C17orf50: variants seen among roughly 807,000 people sequenced by gnomAD.
C17orf50 encodes plakoglobin binding and degradation factor, also known as uncharacterized protein C17orf50.
C17orf50 carries 16 observed loss-of-function variants against 17.7 expected under a neutral mutation model. The ratio of observed to expected loss-of-function variants is 0.90; its 90% CI spans 0.61 to 1.37. The LOEUF is 1.37. C17orf50 is among the 40% of genes most tolerant of loss of function. The pLI is 0.00. For synonymous variants in C17orf50, 125 were observed against 111.0 expected (o/e 1.13, Z -0.80); for missense variants, 271 against 240.7 (o/e 1.13, Z -0.83).
rs1568124499 is a variant in C17orf50 at position 35,764,844 on chromosome 17, C to G, written c.*226C>G. On this transcript the variant is annotated 3_prime_UTR_variant, in exon 3 of 3. Transcript: ENST00000605587. ...GCAGAGCCCAGCATAACCTAGAGCCCGCTGTCAACAGCGCCCACCGAGGGC... is the reference window on the plus strand; with the variant it reads ...GCAGAGCCCAGCATAACCTAGAGCCGGCTGTCAACAGCGCCCACCGAGGGC... 6 of 427,672 alleles carry G rather than the reference C, an allele frequency of 1.4e-5. No homozygotes were observed. In the East Asian group the frequency reaches 2.5e-4, roughly 18 times the overall value. The allele number at this position is 427,672 out of a possible 1,614,324, so 26.5% of individuals were successfully genotyped here.
chr17:35,761,042 A>G, intron 1 of C17orf50, 88 bp downstream of exon 1: 1 of 1,416,740 alleles, frequency 7.1e-7, no homozygotes, highest in South Asian at 1.4e-5. Flanking sequence ...ATGAAGTCCA[A>G]CCTTTTCTCA....
chr17:35,761,019 C>G, intron 1 of C17orf50, 65 bp downstream of exon 1: 1 of 1,533,562 alleles, frequency 6.5e-7, no homozygotes, highest in Non-Finnish European at 8.8e-7. Context: ...CTTGGACAAT[C>G]CAGCCCATCA....
At chr17:35,763,897 A>AAAATT (rs2085875504) in intron 1 of C17orf50, 110 bp from the exon 2 acceptor site, 1 of 645,196 alleles carries the variant, frequency 1.5e-6, no homozygotes, top group African/African-American at 2.1e-5. Context: ...ACCCTGTCTC[A>AAAATT]AAATAAATAA....
At position 35,764,694 on chromosome 17, in the gene C17orf50, C is replaced by A. The variant is rs1463773158; in HGVS notation, c.*76C>A. ...CCCCTACCGACCTTCTCTCTTGGAG[C>A]GCGGAGCCCTCTTCGACGCATTCCG... is the stretch of plus-strand genomic sequence containing the variant. On this transcript the variant is annotated 3_prime_UTR_variant, in exon 3 of 3. Transcript: ENST00000605587. 6 of 1,442,788 alleles carry A rather than the reference C, an allele frequency of 4.2e-6. No homozygotes were observed. Among genetic ancestry groups the A allele is most frequent in the Non-Finnish European group, 5.5e-6 (6 of 1,090,178 alleles). The allele number at this position is 1,442,788 out of a possible 1,614,324, so 89.4% of individuals were successfully genotyped here. A position where few individuals can be genotyped will look rare whatever the true frequency, so the allele number is the denominator to read the frequency against.
In C17orf50 at chr17:35,764,144, G is replaced by A. The variant is rs760773678; in HGVS notation, c.151G>A (p.Glu51Lys). 54 of 1,549,392 alleles carry A rather than the reference G, an allele frequency of 3.5e-5. No individual in the cohort carries two copies. The highest frequency in any genetic ancestry group is 4.6e-5 in the Non-Finnish European group (53 of 1,146,768). The change falls in exon 2 of 3, where the codon GAG (glutamate) becomes AAG (lysine). Residue 51 changes from glutamate to lysine, a missense_variant. Glu to Lys is a moderately conservative substitution (Grantham distance 56). Transcript: ENST00000605587. ...RPLEDSATEG[E>K]EPPRVAEEGE... Reference sequence around the variant, plus strand: ...GCTGGAGGACAGCGCGACGGAGGGCGAGGAGCCGCCGCGGGTAGCGGAGGA... The same window carrying A: ...GCTGGAGGACAGCGCGACGGAGGGCAAGGAGCCGCCGCGGGTAGCGGAGGA...
chr17:35,763,198 C>G (rs1341371424), intron 1 of C17orf50, among the ~76,000 whole-genome samples: 3 of 151,958 alleles, frequency 2.0e-5, no homozygotes, highest in African/African-American at 7.3e-5. Flanking sequence ...TTTAGGGAGA[C>G]CTAGGCAGGA....
Position 35,764,682 on chromosome 17 carries a change from TCTCTCTTGGAGCGCGGAG to T in C17orf50, c.*66_*83del. On this transcript the variant is annotated 3_prime_UTR_variant, in exon 3 of 3. Transcript: ENST00000605587. ...CTGGCCCCAGACCCCCTACCGACCT[TCTCTCTTGGAGCGCGGAG>T]CCCTCTTCGACGCATTCCGCAGGAC... 1 of 1,483,044 alleles carries T rather than the reference TCTCTCTTGGAGCGCGGAG, an allele frequency of 6.7e-7. No homozygotes were observed. The highest frequency in any genetic ancestry group is 8.9e-7 in the Non-Finnish European group (1 of 1,118,720). The allele number at this position is 1,483,044 out of a possible 1,614,324, so 91.9% of individuals were successfully genotyped here. A position where few individuals can be genotyped will look rare whatever the true frequency, so the allele number is the denominator to read the frequency against.
At position 35,764,733 on chromosome 17, in the gene C17orf50, T is replaced by C. The variant is rs1248884864; in HGVS notation, c.*115T>C. 8.4e-5 allele frequency: 100 copies of C among 1,196,496 alleles called. No individual in the cohort carries two copies. Among genetic ancestry groups the C allele is most frequent in the Non-Finnish European group, 1.1e-4 (94 of 888,946 alleles). 74.1% of individuals were successfully genotyped at this position (1,196,496 alleles called of 1,614,324 possible). A position where few individuals can be genotyped will look rare whatever the true frequency, so the allele number is the denominator to read the frequency against. On this transcript the variant is annotated 3_prime_UTR_variant, in exon 3 of 3. Transcript: ENST00000605587. ...CGACGCATTCCGCAGGACCGCCCCTTCTCAGCTGCTGCCCAGAGCGCCCCC... is the reference window on the plus strand; with the variant it reads ...CGACGCATTCCGCAGGACCGCCCCTCCTCAGCTGCTGCCCAGAGCGCCCCC...
intron 2 of C17orf50, 41 bp downstream of exon 2, chr17:35,764,366 G>A: frequency 6.9e-7 from 1 of 1,452,638 alleles, no homozygotes; most frequent in South Asian, 1.4e-5. Flanking sequence ...GGGAGGCGGT[G>A]CCCGGGCCCC....
chr17:35,764,221 G>A lies in C17orf50; in HGVS notation c.228G>A (p.Glu76=). 1.3e-6 allele frequency: 2 copies of A among 1,545,754 alleles called. No homozygotes were observed. Among genetic ancestry groups the A allele is most frequent in the Non-Finnish European group, 1.7e-6 (2 of 1,145,742 alleles). The change falls in exon 2 of 3, where the codon GAG becomes GAA. Residue 76 remains glutamate (E), a synonymous_variant. Transcript: ENST00000605587. ...RSVSYCPLRQ[E]SSTQQVALLR... ...TGTCCTACTGCCCGCTGCGCCAGGA[G>A]TCCAGCACCCAGCAGGTGGCGCTGC... is the stretch of plus-strand genomic sequence containing the variant.
intron 1 of C17orf50, among the ~76,000 whole-genome samples, chr17:35,761,292 G>A (rs2085815316): frequency 6.6e-6 from 1 of 151,744 alleles, no homozygotes; most frequent in South Asian, 2.1e-4. Context: ...TGTATTTTTA[G>A]TAGAGATGGG....
Position 35,764,442 on chromosome 17 carries a change from G to T in C17orf50, c.349G>T (p.Glu117Ter). Reference protein sequence around the residue: ...APTDRKRSLPEEPCVLEIRRR... With the variant: ...APTDRKRSLP ...CGCCGGCAGGAAGCGGAGCCTCCCGGAGGAGCCGTGCGTGCTGGAGATCCG... is the reference window on the plus strand; with the variant it reads ...CGCCGGCAGGAAGCGGAGCCTCCCGTAGGAGCCGTGCGTGCTGGAGATCCG... The change falls in exon 3 of 3, where the codon GAG becomes TAG. Residue 117 changes from glutamate to a stop codon, truncating the protein, a stop_gained. Transcript: ENST00000605587. LOFTEE classifies it high-confidence loss of function. The T allele has an allele frequency of 6.5e-7, 1 of 1,550,372 alleles. No homozygotes were observed.
Position 35,764,102 on chromosome 17 carries a change from G to C in C17orf50, c.109G>C (p.Glu37Gln), listed in dbSNP as rs781887858. ...EGKEGSEDED[E>Q]DNQRPLEDSA... ...GAAGGAGGGGTCGGAGGACGAGGAC[G>C]AGGACAACCAGAGGCCGCTGGAGGA... The change falls in exon 2 of 3, where the codon GAG becomes CAG. Residue 37 changes from glutamate to glutamine, a missense_variant. Glu to Gln is a conservative substitution (Grantham distance 29). Transcript: ENST00000605587. 2.6e-6 allele frequency: 4 copies of C among 1,550,224 alleles called. No individual in the cohort carries two copies. In the African/African-American group the frequency reaches 5.5e-5, roughly 21 times the overall value.
chr17:35,760,931 C>T lies in C17orf50; in HGVS notation c.-11C>T, dbSNP rs1555601380. On this transcript the variant is annotated 5_prime_UTR_variant, in exon 1 of 3. Coordinates refer to ENST00000605587, the MANE Select transcript of C17orf50 (RefSeq NM_145272.4). ...TCTGATCAGGGAAAGCAGGGCACAG[C>T]CTTGGGAAGAATGGATAAGCATGGT... 6.2e-7 allele frequency: 1 copy of T among 1,613,722 alleles called. No homozygotes were observed. Among genetic ancestry groups the T allele is most frequent in the South Asian group, 1.1e-5 (1 of 90,912 alleles).
At position 35,764,021 on chromosome 17, in the gene C17orf50, T is replaced by C. The variant is rs200805689; in HGVS notation, c.28T>C (p.Leu10=). The change falls in exon 2 of 3, where the codon TTG becomes CTG. Residue 10 remains leucine, a synonymous_variant. Transcript: ENST00000605587. ...CCGGCCCGCAGGTGTGAAGACCCCC[T>C]TGTGGAAGAAGGAAACGGAAGAGCT... The part of the protein sequence containing the change: MDKHGVKTP[L]WKKETEELRA... 9 of 1,544,882 alleles carry C rather than the reference T, an allele frequency of 5.8e-6. No individual in the cohort carries two copies. In the Admixed American group the frequency reaches 1.8e-4, roughly 30 times the overall value.
In C17orf50 at chr17:35,764,671, C is replaced by T; in HGVS notation, c.*53C>T. 6.7e-7 allele frequency: 1 copy of T among 1,502,298 alleles called. No homozygotes were observed. The highest frequency in any genetic ancestry group is 8.8e-7 in the Non-Finnish European group (1 of 1,131,296). 93.1% of individuals were successfully genotyped at this position (1,502,298 alleles called of 1,614,324 possible). A position where few individuals can be genotyped will look rare whatever the true frequency, so the allele number is the denominator to read the frequency against. On this transcript the variant is annotated 3_prime_UTR_variant, in exon 3 of 3. Transcript: ENST00000605587. ...TCCATCATTTCCTGGCCCCAGACCCCCTACCGACCTTCTCTCTTGGAGCGC... is the reference window on the plus strand; with the variant it reads ...TCCATCATTTCCTGGCCCCAGACCCTCTACCGACCTTCTCTCTTGGAGCGC...
Position 35,764,490 on chromosome 17 carries a change from G to A in C17orf50, c.397G>A (p.Gly133Ser). ...EIRRRPPRRG[G>S]CACCELLFCK... ...CCGGCGACGACCGCCGCGCCGCGGG[G>A]GCTGTGCTTGCTGCGAGCTCCTCTT... The change falls in exon 3 of 3, where the codon GGC becomes AGC. Residue 133 changes from glycine to serine, a missense_variant. Coordinates refer to ENST00000605587, the MANE Select transcript of C17orf50 (RefSeq NM_145272.4). 1.3e-6 allele frequency: 2 copies of A among 1,578,618 alleles called. No homozygotes were observed. Among genetic ancestry groups the A allele is most frequent in the Non-Finnish European group, 8.6e-7 (1 of 1,165,058 alleles).
At chr17:35,763,206 G>A (rs1026298065) in intron 1 of C17orf50, among the ~76,000 whole-genome samples, 2 of 151,988 alleles carry the variant, frequency 1.3e-5, no homozygotes, top group East Asian at 3.9e-4. Flanking sequence ...GACCTAGGCA[G>A]GAGGGCTGCT....
At chr17:35,762,131 C>T (rs185234693) in intron 1 of C17orf50, among the ~76,000 whole-genome samples, 56 of 152,238 alleles carry the variant, frequency 3.7e-4, no homozygotes, top group African/African-American at 1.2e-3. Flanking sequence ...GCTGGGATTA[C>T]AGGCATGCAC....
Sources: allele counts gnomAD v4.1 joint callset (sites outside exome capture counted in the v4.1 genomes callset), GRCh38; gene constraint gnomAD v4.1.1; transcripts MANE v1.5; gene names NCBI Gene and HGNC (gene_info 2026-07-23, HGNC 2026-07-21).